Variants in STXBP5L observed in about 807,000 individuals in gnomAD.
STXBP5L encodes the protein syntaxin-binding protein 5-like.
A neutral mutation model predicts 144.5 loss-of-function variants in STXBP5L; 65 were observed. The observed-to-expected ratio is 0.45, with a 90% CI of 0.37 to 0.55. The LOEUF is 0.55. STXBP5L is among the 20% of genes least tolerant of loss of function. The pLI is 0.00. For synonymous variants in STXBP5L, 505 were observed against 469.6 expected, an observed-to-expected ratio of 1.08 and a Z score of -0.97; for missense variants, 1,298 against 1,405.5, an observed-to-expected ratio of 0.92 and a Z score of 1.22.
At chr3:121,031,031 A>ATCTCT (rs1348433870) in intron 3 of STXBP5L, among the ~76,000 whole-genome samples, 2 of 152,064 alleles carry the variant, frequency 1.3e-5, no homozygotes, top group Non-Finnish European at 2.9e-5. Context: ...ACAAATTATG[A>ATCTCT]TCTCTTCTCC....
At position 120,955,053 on chromosome 3, in the gene STXBP5L, G is replaced by C. The variant is rs1349828954; in HGVS notation, c.287+16G>C. 1.9e-6 allele frequency: 3 copies of C among 1,593,682 alleles called. No individual in the cohort carries two copies. The highest frequency in any genetic ancestry group is 1.7e-4 in the Middle Eastern group (1 of 6,016). ...CTATACGAATGTATCCTTAAATTTT[G>C]GTTCATTATCTGCCACAGTAATGCC... On this transcript the variant is annotated intron_variant, in intron 3 of 26. Transcript: ENST00000471454.
At chr3:121,041,961 A>T (rs1947187061) in intron 4 of STXBP5L, among the ~76,000 whole-genome samples, 180 bp downstream of exon 4, 1 of 152,158 alleles carries the variant, frequency 6.6e-6, no homozygotes, top group African/African-American at 2.4e-5. Flanking sequence ...ATTAAATTTT[A>T]AAGAAAAAAG....
intron 20 of STXBP5L, among the ~76,000 whole-genome samples, chr3:121,321,933 T>C (rs1455366783): frequency 2.0e-5 from 3 of 152,122 alleles, no homozygotes; most frequent in Non-Finnish European, 4.4e-5. Context: ...AGGTTTGAGA[T>C]ACAAATCTTC....
At chr3:121,052,846 C>G (rs1315011449) in intron 5 of STXBP5L, among the ~76,000 whole-genome samples, 2 of 152,058 alleles carry the variant, frequency 1.3e-5, no homozygotes, top group Non-Finnish European at 2.9e-5. Context: ...TCTAGAAAAC[C>G]CCATTGTCTC....
At chr3:121,104,718 C>T (rs540930252) in intron 5 of STXBP5L, among the ~76,000 whole-genome samples, 6 of 152,114 alleles carry the variant, frequency 3.9e-5, no homozygotes, top group Admixed American at 1.3e-4. Context: ...AGTGGATCCT[C>T]ATCTCTCACC....
At chr3:120,995,308 T>G (rs1392156865) in intron 3 of STXBP5L, among the ~76,000 whole-genome samples, 1 of 151,988 alleles carries the variant, frequency 6.6e-6, no homozygotes, top group Non-Finnish European at 1.5e-5. Context: ...CCACCATGCC[T>G]GGCTAATTTT....
intron 3 of STXBP5L, among the ~76,000 whole-genome samples, chr3:120,987,198 A>G (rs1048600863): frequency 6.6e-6 from 1 of 151,994 alleles, no homozygotes; most frequent in Non-Finnish European, 1.5e-5. Flanking sequence ...AGAAGATGCC[A>G]AACAATTTTC....
intron 20 of STXBP5L, among the ~76,000 whole-genome samples, chr3:121,334,652 A>C (rs1400982271): frequency 6.6e-6 from 1 of 152,236 alleles, no homozygotes; most frequent in Non-Finnish European, 1.5e-5. Flanking sequence ...ACAATCAAGT[A>C]GGCTTTATCC....
At chr3:121,029,708 G>T (rs1272241555) in intron 3 of STXBP5L, among the ~76,000 whole-genome samples, 2 of 152,054 alleles carry the variant, frequency 1.3e-5, no homozygotes, top group Admixed American at 1.3e-4. Context: ...AAGAGATTCT[G>T]CACAGCAAAA....
At chr3:121,043,179 G>A (rs371870633) in intron 4 of STXBP5L, among the ~76,000 whole-genome samples, 15 of 152,172 alleles carry the variant, frequency 9.9e-5, no homozygotes, top group African/African-American at 3.6e-4. Context: ...ACACAAAGCT[G>A]CTGTATCTTT....
chr3:121,386,662 CTGT>C lies in STXBP5L; in HGVS notation c.2587+5131_2587+5133del, dbSNP rs1211692937. On this transcript the variant is annotated intron_variant, in intron 22 of 26. Transcript: ENST00000471454. ...GTGAGAACATGCAGTGTTTGGTTTT[CTGT>C]CCTTGTGTGATAGTTTGCTGAGAAT... is the stretch of plus-strand genomic sequence containing the variant. Among the ~76,000 whole-genome samples the C allele has an allele frequency of 2.0e-5, 3 of 152,020 alleles. No individual in the cohort carries two copies. The East Asian group carries it at 5.8e-4, about 29-fold the overall frequency.
At chr3:121,221,939 T>G (rs1241338867) in intron 10 of STXBP5L, among the ~76,000 whole-genome samples, 1 of 151,928 alleles carries the variant, frequency 6.6e-6, no homozygotes, top group African/African-American at 2.4e-5. Flanking sequence ...CTGATAATGT[T>G]TGGCGCCACA....
At chr3:120,943,337 A>G (rs1235587586) in intron 2 of STXBP5L, among the ~76,000 whole-genome samples, 1 of 151,788 alleles carries the variant, frequency 6.6e-6, no homozygotes, top group Non-Finnish European at 1.5e-5. Flanking sequence ...CATTTATATG[A>G]TGAAGAATAT....
intron 9 of STXBP5L, among the ~76,000 whole-genome samples, chr3:121,200,677 G>A (rs772112552): frequency 2.5e-4 from 38 of 151,820 alleles, no homozygotes; most frequent in Non-Finnish European, 4.4e-5. Flanking sequence ...TGGGTTCGTT[G>A]TCTCTCTCTT....
At chr3:121,205,847 C>A (rs938770358) in intron 9 of STXBP5L, 76 bp from the exon 10 acceptor site, 3 of 697,088 alleles carry the variant, frequency 4.3e-6, no homozygotes, top group Non-Finnish European at 6.7e-6. Context: ...TCTTTAAATT[C>A]CCTTAGTCAA....
At chr3:121,017,155 A>G (rs1282951658) in intron 3 of STXBP5L, among the ~76,000 whole-genome samples, 4 of 152,224 alleles carry the variant, frequency 2.6e-5, no homozygotes, top group Non-Finnish European at 4.4e-5. Flanking sequence ...AATGTAAACC[A>G]TCACACCAAC....
chr3:121,123,567 A>G (rs566427231), intron 7 of STXBP5L, among the ~76,000 whole-genome samples: 23 of 147,740 alleles, frequency 1.6e-4, no homozygotes, highest in African/African-American at 4.4e-4. Context: ...AATGCCTAAG[A>G]AAAAAAAAAG....
At chr3:121,190,269 A>T (rs779081660) in intron 9 of STXBP5L, among the ~76,000 whole-genome samples, 7 of 152,278 alleles carry the variant, frequency 4.6e-5, no homozygotes, top group African/African-American at 1.2e-4. Flanking sequence ...CTTAGCGAGC[A>T]CGCTGCCTTC....
At position 121,378,661 on chromosome 3, in the gene STXBP5L, C is replaced by T. The variant is rs934153817; in HGVS notation, c.2177-55C>T. On this transcript the variant is annotated intron_variant, in intron 20 of 26. Coordinates refer to ENST00000471454, the MANE Select transcript of STXBP5L (RefSeq NM_001308330.2). ...TTTGTTAATCTACACGCTTGTATTC[C>T]TTTGTATTAAGAGTTAATCATTATA... The T allele has an allele frequency of 9.7e-6, 15 of 1,541,686 alleles. No homozygotes were observed. The African/African-American group carries it at 1.2e-4, about 13-fold the overall frequency.
Sources: allele counts gnomAD v4.1 joint callset (sites outside exome capture counted in the v4.1 genomes callset), GRCh38; gene constraint gnomAD v4.1.1; transcripts MANE v1.5; gene names NCBI Gene and HGNC (gene_info 2026-07-23, HGNC 2026-07-21).